Variants in ANK2 observed in about 807,000 individuals in gnomAD.
The protein encoded by ANK2 is ankyrin 2.
ANK2 carries 83 observed loss-of-function variants against 360.5 expected under a neutral mutation model. The ratio of observed to expected loss-of-function variants is 0.23; its 90% CI spans 0.19 to 0.28. The LOEUF (loss-of-function observed/expected upper bound fraction) is 0.28. Among genes scored for constraint, ANK2 ranks in the 10% least tolerant of loss-of-function variants. The pLI is 1.00. For missense variants in ANK2, 4,201 were observed against 4,795.7 expected (o/e 0.88, Z 3.66); for synonymous variants, 1,740 against 1,759.5 (o/e 0.99, Z 0.28).
At chr4:113,373,057 C>T in intron 43 of ANK2, 33 bp from the exon 44 acceptor site, 5 of 1,579,104 alleles carry the variant, frequency 3.2e-6, no homozygotes, top group Non-Finnish European at 4.4e-6. Flanking sequence ...TGGTGCCAAA[C>T]ACCACAGTGA....
chr4:113,264,356 T>G (rs1284866408), intron 13 of ANK2, among the ~76,000 whole-genome samples: 1 of 152,214 alleles, frequency 6.6e-6, no homozygotes, highest in East Asian at 1.9e-4. Flanking sequence ...GATCACATAG[T>G]TAAGTGAGAC....
At chr4:113,362,558 C>T (rs2096283162) in intron 39 of ANK2, among the ~76,000 whole-genome samples, 1 of 152,154 alleles carries the variant, frequency 6.6e-6, no homozygotes, top group Admixed American at 6.6e-5. Flanking sequence ...GATCCTCCTG[C>T]CCCAGCCTCC....
rs1053677512 is a variant in ANK2, at chr4:113,016,032, T to G, written c.21+111518T>G. ...CATATGGCTTTTTTTTTCAAAAATT[T>G]TTTTTTTCTTGGGATAGGGTCTTAC... is the stretch of plus-strand genomic sequence containing the variant. On this transcript the variant is annotated intron_variant, in intron 2 of 30. Transcript: ENST00000503271. 1.6e-4 allele frequency among the ~76,000 whole-genome samples: 25 copies of G among 152,240 alleles called. No individual in the cohort carries two copies. The East Asian group carries it at 4.4e-3, about 27-fold the overall frequency.
intron 1 of ANK2, among the ~76,000 whole-genome samples, chr4:113,074,461 T>C (rs1383234643): frequency 6.6e-6 from 1 of 152,200 alleles, no homozygotes; most frequent in African/African-American, 2.4e-5. Flanking sequence ...TGTAATTAGA[T>C]TTGAGAATCA....
chr4:113,047,161 A>C (rs17045472), upstream of ANK2, among the ~76,000 whole-genome samples: 1,217 of 152,244 alleles, frequency 8.0e-3, 7 homozygotes, highest in Middle Eastern at 0.014. Context: ...TTGAACTGCT[A>C]TTCTGTTTGC....
chr4:112,968,001 G>A (rs2037988564), intron 2 of ANK2, among the ~76,000 whole-genome samples: 1 of 152,106 alleles, frequency 6.6e-6, no homozygotes. Context: ...ACTTCCACTA[G>A]TTGGTAAAAT....
At chr4:113,032,348 C>T (rs1372694264) in intron 2 of ANK2, among the ~76,000 whole-genome samples, 1 of 151,868 alleles carries the variant, frequency 6.6e-6, no homozygotes, top group Non-Finnish European at 1.5e-5. Context: ...GTGTGGAGAG[C>T]CAAGGAAGGG....
At chr4:113,026,233 T>C (rs1229849242) in intron 2 of ANK2, among the ~76,000 whole-genome samples, 1 of 152,132 alleles carries the variant, frequency 6.6e-6, no homozygotes, top group Admixed American at 6.6e-5. Flanking sequence ...GAGCACAATA[T>C]TGACAGACTG....
At chr4:113,036,892 T>A (rs928070540) in intron 2 of ANK2, among the ~76,000 whole-genome samples, 3 of 151,892 alleles carry the variant, frequency 2.0e-5, no homozygotes, top group African/African-American at 7.2e-5. Context: ...ACACACATAC[T>A]TATTGCCCAC....
At chr4:113,329,926 T>C (rs1291879715) in intron 26 of ANK2, among the ~76,000 whole-genome samples, 1 of 152,222 alleles carries the variant, frequency 6.6e-6, no homozygotes, top group Non-Finnish European at 1.5e-5. Context: ...TTGTTCTTTA[T>C]GTAATTTCAT....
rs551298454 is a variant in ANK2, at chr4:113,314,747, C to T, written c.2694-2960C>T. Among the ~76,000 whole-genome samples, 23 of 152,152 alleles carry T rather than the reference C, an allele frequency of 1.5e-4. No individual in the cohort carries two copies. The South Asian group carries it at 3.3e-3, about 22-fold the overall frequency. ...TTTTAGAGGGAATATTCTTTTAGAG[C>T]GAATAACTTCTCTGGTGTTGGAATA... On this transcript the variant is annotated intron_variant, in intron 24 of 45. Coordinates refer to ENST00000357077, the MANE Select transcript of ANK2 (RefSeq NM_001148.6).
chr4:113,116,580 C>T (rs1366576528), intron 1 of ANK2, among the ~76,000 whole-genome samples: 2 of 152,098 alleles, frequency 1.3e-5, no homozygotes, highest in Non-Finnish European at 2.9e-5. Flanking sequence ...ACAGCAACGT[C>T]GATTCTTTAC....
chr4:112,853,070 G>T (rs888640072), intron 1 of ANK2, among the ~76,000 whole-genome samples: 6 of 151,758 alleles, frequency 4.0e-5, no homozygotes, highest in Non-Finnish European at 8.8e-5. Flanking sequence ...ACCACATCTG[G>T]CTAATTTTTT....
chr4:112,964,443 T>C (rs1367054575), intron 2 of ANK2, among the ~76,000 whole-genome samples: 2 of 152,098 alleles, frequency 1.3e-5, no homozygotes. Flanking sequence ...TGTCTTTCTG[T>C]GTATGACATT....
chr4:113,203,180 TAC>T (rs1316641719), intron 4 of ANK2, among the ~76,000 whole-genome samples: 2 of 152,234 alleles, frequency 1.3e-5, no homozygotes, highest in Admixed American at 1.3e-4. Context: ...TAAATAATCC[TAC>T]ATACGTGATG....
intron 1 of ANK2, among the ~76,000 whole-genome samples, chr4:113,137,319 G>A (rs890607709): frequency 6.6e-6 from 1 of 152,160 alleles, no homozygotes; most frequent in Admixed American, 6.5e-5. Context: ...TAAAATAGTG[G>A]CAAAGGGATG....
At chr4:112,714,693 T>C in the ANK2 span, among the ~76,000 whole-genome samples, 1 of 152,166 alleles carries the variant, frequency 6.6e-6, no homozygotes, top group Admixed American at 6.6e-5. Context: ...AAAAAACAAT[T>C]TCTAAATCGG....
At chr4:112,767,299 G>A in the ANK2 span, among the ~76,000 whole-genome samples, 3 of 152,102 alleles carry the variant, frequency 2.0e-5, no homozygotes, top group Admixed American at 1.3e-4. Context: ...GGTGGCTCAC[G>A]CTTGTAATCC....
At chr4:113,136,114 G>A (rs537219771) in intron 1 of ANK2, among the ~76,000 whole-genome samples, 1 of 152,116 alleles carries the variant, frequency 6.6e-6, no homozygotes, top group Non-Finnish European at 1.5e-5. Flanking sequence ...TGCTCATTTA[G>A]TCAGTAATCA....
Sources: allele counts gnomAD v4.1 joint callset (sites outside exome capture counted in the v4.1 genomes callset), GRCh38; gene constraint gnomAD v4.1.1; transcripts MANE v1.5; gene names NCBI Gene and HGNC (gene_info 2026-07-23, HGNC 2026-07-21).